The following ZBTB17 variants were observed in gnomAD, a reference collection of about 807,000 sequenced individuals.
ZBTB17 encodes the protein zinc finger and BTB domain containing 17, also known as zinc finger and BTB domain-containing protein 17.
A neutral mutation model predicts 85.1 loss-of-function variants in ZBTB17; 24 were observed. The ratio of observed to expected loss-of-function variants is 0.28; its 90% confidence interval spans 0.20 to 0.40. ZBTB17 has a LOEUF of 0.40. ZBTB17 is among the 10% of genes least tolerant of loss of function. The pLI is 1.00. For synonymous variants in ZBTB17, 464 were observed against 460.2 expected (o/e 1.01, Z -0.11); for missense variants, 743 against 1,105.1 (o/e 0.67, Z 4.65).
chr1:15,961,536 T>G (rs1166654730), intron 2 of ZBTB17, among the ~76,000 whole-genome samples: 1 of 152,242 alleles, frequency 6.6e-6, no homozygotes, highest in Non-Finnish European at 1.5e-5. Flanking sequence ...CCAGTGAGTT[T>G]TAAAAACGGA....
At chr1:15,962,138 T>C (rs1236746946) in intron 2 of ZBTB17, among the ~76,000 whole-genome samples, 1 of 151,978 alleles carries the variant, frequency 6.6e-6, no homozygotes, top group Non-Finnish European at 1.5e-5. Flanking sequence ...GCCTGGGAGG[T>C]TGAGGCTGCA....
intron 15 of ZBTB17, 33 bp from the exon 16 acceptor site, chr1:15,942,285 G>A: frequency 6.2e-7 from 1 of 1,613,584 alleles, no homozygotes; most frequent in Non-Finnish European, 8.5e-7. Flanking sequence ...AGAGTGGGAA[G>A]GACCCCGGGC....
At chr1:15,946,508 C>T (rs912206882) in intron 4 of ZBTB17, among the ~76,000 whole-genome samples, 2 of 152,254 alleles carry the variant, frequency 1.3e-5, no homozygotes, top group African/African-American at 2.4e-5. Flanking sequence ...GTGATGGTTC[C>T]TGCTTGTGTG....
intron 2 of ZBTB17, among the ~76,000 whole-genome samples, chr1:15,961,547 T>C (rs74622388): frequency 0.044 from 6,693 of 152,290 alleles, 216 homozygotes; most frequent in Middle Eastern, 0.11. Context: ...TAAAAACGGA[T>C]GCGGAAGTGC....
rs1328410579 is a variant in ZBTB17 at position 15,946,970 on chromosome 1, C to A, written c.359G>T (p.Ser120Ile). The change falls in exon 4 of 16, where the codon AGC (serine) becomes ATC (isoleucine). Residue 120 changes from serine to isoleucine, a missense_variant. By Grantham distance (142) the Ser-to-Ile change is moderately radical. Transcript: ENST00000375743. ...CAAGGCCTCCGCATTTCCCCCAGGG[C>A]TGGTAGCCGGCTCAGCAAGTGACTT... ...ALKSLAEPAT[S>I]PGGNAEALAT... The A allele has an allele frequency of 6.2e-7, 1 of 1,613,522 alleles. No individual in the cohort carries two copies. Among genetic ancestry groups the A allele is most frequent in the Non-Finnish European group, 8.5e-7 (1 of 1,179,644 alleles).
At chr1:15,974,920 C>A (rs1247282985) in intron 1 of ZBTB17, among the ~76,000 whole-genome samples, 1 of 152,202 alleles carries the variant, frequency 6.6e-6, no homozygotes, top group African/African-American at 2.4e-5. Context: ...CCTCTCTCTA[C>A]GAAGATGAGT....
intron 12 of ZBTB17, 77 bp from the exon 13 acceptor site, chr1:15,943,271 G>A (rs2071436572): frequency 1.2e-6 from 2 of 1,605,474 alleles, no homozygotes; most frequent in Non-Finnish European, 1.7e-6. Context: ...GACTGAAAAG[G>A]ACCCCTAGGA....
At chr1:15,970,694 G>A (rs6684328) in intron 2 of ZBTB17, among the ~76,000 whole-genome samples, 42,048 of 152,000 alleles carry the variant, frequency 0.28, 6,217 homozygotes, top group Non-Finnish European at 0.32. Flanking sequence ...GATTACAGGC[G>A]CCTGCCACTG....
At chr1:15,971,716 C>G (rs1488353678) in intron 2 of ZBTB17, among the ~76,000 whole-genome samples, 1 of 151,152 alleles carries the variant, frequency 6.6e-6, no homozygotes, top group Non-Finnish European at 1.5e-5. Context: ...ATGTAATTCT[C>G]CAGACAATTC....
In ZBTB17 at chr1:15,953,655, G is replaced by A. The variant is rs959419066; in HGVS notation, c.-2-5158C>T. Among the ~76,000 whole-genome samples the A allele has an allele frequency of 2.6e-5, 4 of 152,220 alleles. No individual in the cohort carries two copies. Among genetic ancestry groups the A allele is most frequent in the East Asian group, 1.9e-4 (1 of 5,190 alleles). On this transcript the variant is annotated intron_variant, in intron 2 of 15. Transcript: ENST00000375743. This position sits in a 1 kb window ranked among gnomAD's most constrained non-coding sequence, Gnocchi z 5.1. ...AGTTCCATACTGCTGCCTCCACGAC[G>A]CAGGGATTCCAGTGGCGGCTGAGCC...
At chr1:15,974,244 C>T (rs915439509) in intron 1 of ZBTB17, among the ~76,000 whole-genome samples, 2 of 150,076 alleles carry the variant, frequency 1.3e-5, no homozygotes, top group Middle Eastern at 3.2e-3. Flanking sequence ...TTATTTCAGG[C>T]TGGAAATAAA....
intron 2 of ZBTB17, chr1:15,970,289 T>G (rs1253975999): frequency 9.6e-6 from 3 of 312,412 alleles, no homozygotes; most frequent in Non-Finnish European, 1.8e-5. Context: ...CATGGGAAGA[T>G]GCTCACATGA....
At chr1:15,959,119 G>A (rs2072156626) in intron 2 of ZBTB17, among the ~76,000 whole-genome samples, 1 of 152,142 alleles carries the variant, frequency 6.6e-6, no homozygotes, top group Non-Finnish European at 1.5e-5. Flanking sequence ...CTGAACCAGT[G>A]GCCTTCCCAC....
chr1:15,945,593 G>T, intron 6 of ZBTB17, 122 bp downstream of exon 6: 1 of 1,395,306 alleles, frequency 7.2e-7, no homozygotes, highest in Non-Finnish European at 9.7e-7. Context: ...AAGCTGAAGT[G>T]CATGGTGACT....
rs371106098 is a variant in ZBTB17, at chr1:15,946,954, C to T, written c.375G>A (p.Ala125=). 50 of 1,611,680 alleles carry T rather than the reference C, an allele frequency of 3.1e-5. No individual in the cohort carries two copies. Among genetic ancestry groups the T allele is most frequent in the Middle Eastern group, 1.6e-4 (1 of 6,076 alleles). The change falls in exon 4 of 16, where the codon GCG becomes GCA. Residue 125 remains alanine (A), a synonymous_variant. Transcript: ENST00000375743. ...ACCTACCTTCTGTGGCCAAGGCCTC[C>T]GCATTTCCCCCAGGGCTGGTAGCCG... is the stretch of plus-strand genomic sequence containing the variant. The part of the protein sequence containing the change: ...AEPATSPGGN[A]EALATEGGDK...
intron 2 of ZBTB17, among the ~76,000 whole-genome samples, chr1:15,961,396 G>A (rs2072253157): frequency 6.6e-6 from 1 of 152,216 alleles, no homozygotes; most frequent in African/African-American, 2.4e-5. Flanking sequence ...ATAGGATTAA[G>A]CTAAGATTCT....
chr1:15,945,447 A>C (rs2071559117), intron 6 of ZBTB17, among the ~76,000 whole-genome samples: 1 of 152,228 alleles, frequency 6.6e-6, no homozygotes, highest in South Asian at 2.1e-4. Context: ...GCACCCCTGC[A>C]CGGTGCTGAA....
At chr1:15,968,557 G>T (rs2072526897) in intron 2 of ZBTB17, among the ~76,000 whole-genome samples, 1 of 152,206 alleles carries the variant, frequency 6.6e-6, no homozygotes, top group Admixed American at 6.5e-5. Flanking sequence ...TTGGGTTGGG[G>T]GAACTGGGAA....
chr1:15,944,983 T>C lies in ZBTB17; in HGVS notation c.881A>G (p.Asp294Gly). The change falls in exon 7 of 16, where the codon GAC (aspartate) becomes GGC (glycine). Residue 294 changes from aspartate (D) to glycine (G), a missense_variant. Transcript: ENST00000375743. ...GCCGTAGGCCTTGGACTCCGTGCGG[T>C]CGCCGTAGGTGCCTGAGCGCAGGCC... ...ARGLRSGTYGDRTESKAYGSV... is the reference protein window; with the variant it reads ...ARGLRSGTYGGRTESKAYGSV... 6.3e-7 allele frequency: 1 copy of C among 1,585,084 alleles called. No individual in the cohort carries two copies. Among genetic ancestry groups the C allele is most frequent in the Non-Finnish European group, 8.6e-7 (1 of 1,168,662 alleles).
Sources: allele counts gnomAD v4.1 joint callset (sites outside exome capture counted in the v4.1 genomes callset), GRCh38; gene constraint gnomAD v4.1.1; non-coding constraint Gnocchi (gnomAD v3.1); transcripts MANE v1.5; gene names NCBI Gene and HGNC (gene_info 2026-07-23, HGNC 2026-07-21).